Variants in SLC35F4 observed in about 807,000 individuals in gnomAD.
SLC35F4 encodes chromosome 14 open reading frame 36.
Under a neutral mutation model 44.2 loss-of-function variants are expected in SLC35F4, and 24 were observed. The ratio of observed to expected loss-of-function variants is 0.54; its 90% CI spans 0.39 to 0.76. The LOEUF (loss-of-function observed/expected upper bound fraction) is 0.76. Among genes scored for constraint, SLC35F4 ranks in the 30% least tolerant of loss-of-function variants. SLC35F4 has a pLI of 0.00. For synonymous variants in SLC35F4, 238 were observed against 223.6 expected, an observed-to-expected ratio of 1.06 and a Z score of -0.57; for missense variants, 562 against 586.1, an observed-to-expected ratio of 0.96 and a Z score of 0.42.
intron 1 of SLC35F4, among the ~76,000 whole-genome samples, chr14:57,637,505 G>A (rs1357663650): frequency 1.3e-5 from 2 of 152,172 alleles, no homozygotes; most frequent in Admixed American, 6.6e-5. Flanking sequence ...AGTCTTACAC[G>A]TTTTATAAAG....
chr14:57,758,800 A>G lies in SLC35F4; in HGVS notation c.103+106923T>C, dbSNP rs997215138. Among the ~76,000 whole-genome samples, 35 of 152,168 alleles carry G rather than the reference A, an allele frequency of 2.3e-4. 1 individual carries two copies. Among genetic ancestry groups the G allele is most frequent in the Non-Finnish European group, 2.9e-4 (20 of 68,032 alleles). On this transcript the variant is annotated intron_variant, in intron 1 of 7. Transcript: ENST00000556826. ...AGATATACTCATTAAAAAATTCTAT[A>G]TAATAAATTGCAATATTGTATAGAA...
At chr14:57,743,861 C>A (rs1215243890) in intron 1 of SLC35F4, among the ~76,000 whole-genome samples, 2 of 152,170 alleles carry the variant, frequency 1.3e-5, no homozygotes, top group Non-Finnish European at 2.9e-5. Flanking sequence ...AGCAGCACAT[C>A]AAAAACTTAT....
intron 1 of SLC35F4, among the ~76,000 whole-genome samples, chr14:57,728,441 C>CTTTTTTTTTTTTTTTTTTTTTTTT (rs869064667): frequency 6.8e-5 from 4 of 59,028 alleles, no homozygotes; most frequent in African/African-American, 7.4e-5. Context: ...TTCTTTCTTT[C>CTTTTTTTTTTTTTTTTTTTTTTTT]TTTTTTTTTT....
At chr14:57,630,383 T>C (rs2072710435) in intron 1 of SLC35F4, 1 of 641,286 alleles carries the variant, frequency 1.6e-6, no homozygotes, top group Non-Finnish European at 2.9e-6. Flanking sequence ...CCATTCCAAA[T>C]ATGATAGATT....
intron 1 of SLC35F4, among the ~76,000 whole-genome samples, chr14:57,850,852 G>C (rs59258331): frequency 0.056 from 8,579 of 152,260 alleles, 819 homozygotes; most frequent in African/African-American, 0.19. Flanking sequence ...TTTTCTTGTA[G>C]ACAAAGACTG....
At chr14:57,609,865 T>C (rs1239380726) in intron 1 of SLC35F4, among the ~76,000 whole-genome samples, 1 of 152,188 alleles carries the variant, frequency 6.6e-6, no homozygotes, top group Non-Finnish European at 1.5e-5. Flanking sequence ...ATTAGGCCCT[T>C]GCTGGCTATT....
At chr14:57,644,490 G>T (rs565468814) in intron 1 of SLC35F4, among the ~76,000 whole-genome samples, 5 of 151,520 alleles carry the variant, frequency 3.3e-5, no homozygotes, top group Non-Finnish European at 7.4e-5. Context: ...ATTTGTTTGA[G>T]TTCTTTGTAG....
At chr14:57,981,726 CTG>C (rs1169953788) in intron 1 of SLC35F4, among the ~76,000 whole-genome samples, 1 of 152,134 alleles carries the variant, frequency 6.6e-6, no homozygotes, top group Non-Finnish European at 1.5e-5. Flanking sequence ...CCTTCAAAGA[CTG>C]TACTTCAGCA....
chr14:57,933,659 C>T (rs1889742584), intron 1 of SLC35F4, among the ~76,000 whole-genome samples: 1 of 152,182 alleles, frequency 6.6e-6, no homozygotes, highest in South Asian at 2.1e-4. Context: ...CGCTGGCTGT[C>T]ATCTCCTCAT....
chr14:57,567,579 A>G (rs557234122), intron 6 of SLC35F4, among the ~76,000 whole-genome samples: 233 of 152,344 alleles, frequency 1.5e-3, no homozygotes, highest in African/African-American at 5.4e-3. Flanking sequence ...GCTCCTTTAT[A>G]TTGTTCATAC....
At chr14:57,737,861 T>C (rs909397247) in intron 1 of SLC35F4, among the ~76,000 whole-genome samples, 1 of 152,194 alleles carries the variant, frequency 6.6e-6, no homozygotes, top group Admixed American at 6.5e-5. Flanking sequence ...CAAATGCAAC[T>C]AATTGGATCT....
chr14:57,930,648 G>T (rs891727734), intron 1 of SLC35F4, among the ~76,000 whole-genome samples: 2 of 152,136 alleles, frequency 1.3e-5, no homozygotes, highest in Non-Finnish European at 2.9e-5. Flanking sequence ...TAATGTTTAA[G>T]CTTCTAAGTT....
intron 1 of SLC35F4, among the ~76,000 whole-genome samples, chr14:57,863,761 A>T (rs1887879378): frequency 6.6e-6 from 1 of 152,244 alleles, no homozygotes; most frequent in African/African-American, 2.4e-5. Flanking sequence ...TTCCGAAAGC[A>T]TGAGCATCCT....
At chr14:57,591,123 A>G (rs192727318) in intron 2 of SLC35F4, among the ~76,000 whole-genome samples, 1 of 152,314 alleles carries the variant, frequency 6.6e-6, no homozygotes, top group African/African-American at 2.4e-5. Context: ...CATTCATTCA[A>G]CCAAATCTTA....
At chr14:57,897,527 C>G (rs12589943) in intron 1 of SLC35F4, among the ~76,000 whole-genome samples, 66 of 151,680 alleles carry the variant, frequency 4.4e-4, no homozygotes, top group African/African-American at 1.4e-3. Flanking sequence ...GCAGTGATAC[C>G]GTCAGTCATC....
chr14:57,585,128 A>T (rs1277388052), intron 3 of SLC35F4, among the ~76,000 whole-genome samples: 1 of 152,192 alleles, frequency 6.6e-6, no homozygotes, highest in Non-Finnish European at 1.5e-5. Context: ...TTTCATAGAC[A>T]CATATAGAAA....
At chr14:57,667,059 C>G (rs2074334610) in intron 1 of SLC35F4, among the ~76,000 whole-genome samples, 1 of 151,458 alleles carries the variant, frequency 6.6e-6, no homozygotes, top group African/African-American at 2.4e-5. Context: ...GTTAGGCCTT[C>G]CGGGAAGAGA....
chr14:57,574,574 G>A (rs891758289), intron 4 of SLC35F4, among the ~76,000 whole-genome samples: 1 of 152,144 alleles, frequency 6.6e-6, no homozygotes, highest in Non-Finnish European at 1.5e-5. Flanking sequence ...AGTGGGAATA[G>A]ATAAATTATT....
At chr14:57,579,876 T>G (rs1288044740) in intron 4 of SLC35F4, among the ~76,000 whole-genome samples, 4 of 152,148 alleles carry the variant, frequency 2.6e-5, no homozygotes, top group Non-Finnish European at 4.4e-5. Context: ...CATTTTGCAC[T>G]GGGCCCCATG....
Sources: gnomAD v4.1 joint callset for allele counts (sites outside exome capture counted in the v4.1 genomes callset) on GRCh38, gnomAD v4.1.1 for gene constraint, MANE v1.5 for transcripts, NCBI Gene and HGNC (gene_info 2026-07-23, HGNC 2026-07-21) for gene names.